Variants in ATP8B2 observed in about 807,000 individuals in gnomAD.
The protein encoded by ATP8B2 is ATPase phospholipid transporting 8B2, also known as phospholipid-transporting ATPase ID.
In ATP8B2, 70 loss-of-function variants were observed where a neutral mutation model predicts 133.4. That is an observed-to-expected ratio of 0.52 (90% CI 0.43 to 0.64). ATP8B2 has a LOEUF of 0.64. ATP8B2 is among the 30% of genes least tolerant of loss of function. The pLI is 0.00. For synonymous variants in ATP8B2, 517 were observed against 589.5 expected, an observed-to-expected ratio of 0.88 and a Z score of 1.78; for missense variants, 1,101 against 1,535.7, an observed-to-expected ratio of 0.72 and a Z score of 4.73.
chr1:154,344,661 T>C lies in ATP8B2; in HGVS notation c.2162T>C (p.Met721Thr), dbSNP rs145714388. The change falls in exon 21 of 28, where the codon ATG becomes ACG. Residue 721 changes from methionine to threonine, a missense_variant. Physicochemically the swap from Met to Thr is moderately conservative, Grantham distance 81 (BLOSUM62 -1). Transcript: ENST00000368489. This position sits in a 1 kb window ranked among gnomAD's most constrained non-coding sequence, Gnocchi z 4.1. ...GACAGGAAAGCCCGGGAGAAGATGA[T>C]GGACTCATCCCGCTCCGTAGGCAAC... is the stretch of plus-strand genomic sequence containing the variant. ...EELRKAREKM[M>T]DSSRSVGNGF... 5.4e-5 allele frequency: 87 copies of C among 1,610,438 alleles called. No homozygotes were observed. The African/African-American group carries it at 1.1e-3, about 20-fold the overall frequency.
rs1219595171 is a variant in ATP8B2 at position 154,346,925 on chromosome 1, T to C, written c.3163+167T>C. 6.6e-6 allele frequency among the ~76,000 whole-genome samples: 1 copy of C among 152,178 alleles called. No individual in the cohort carries two copies. Among genetic ancestry groups the C allele is most frequent in the Non-Finnish European group, 1.5e-5 (1 of 68,034 alleles). On this transcript the variant is annotated intron_variant, in intron 26 of 27. Transcript: ENST00000368489. This position sits in a 1 kb window ranked among gnomAD's most constrained non-coding sequence, Gnocchi z 4.5. ...AGAAGGAGTCTTGCCCAGGCTGGAG[T>C]GCAGTGGTGCGATCTCGGCTCACTG...
Position 154,349,557 on chromosome 1 carries a change from C to T in ATP8B2, c.*439C>T, listed in dbSNP as rs1022828660. 7.4e-5 allele frequency: 13 copies of T among 175,152 alleles called. No individual in the cohort carries two copies. The highest frequency in any genetic ancestry group is 2.7e-4 in the Admixed American group (5 of 18,416). The allele number at this position is 175,152 out of a possible 1,614,324, so 10.8% of individuals were successfully genotyped here. On this transcript the variant is annotated 3_prime_UTR_variant, in exon 28 of 28. Coordinates refer to ENST00000368489, the MANE Select transcript of ATP8B2 (RefSeq NM_001370597.1). ...ACCATGCCGGGAAGCCAGAGACCTG[C>T]AGGGGCCTCGGCCCCTCACATCGTG...
rs113685670 is a variant in ATP8B2 at position 154,340,156 on chromosome 1, G to T, written c.1035-698G>T. On this transcript the variant is annotated intron_variant, in intron 12 of 27. Coordinates refer to ENST00000368489, the MANE Select transcript of ATP8B2 (RefSeq NM_001370597.1). The surrounding 1 kb of genome is among the most constrained non-coding windows in gnomAD (Gnocchi z 4.0). ...GATTACACTACTGCACTCCAGCTTGGGTGACAGAGACCCTAGCTCAAAAAA... is the reference window on the plus strand; with the variant it reads ...GATTACACTACTGCACTCCAGCTTGTGTGACAGAGACCCTAGCTCAAAAAA... 2.0e-5 allele frequency among the ~76,000 whole-genome samples: 3 copies of T among 152,108 alleles called. No individual in the cohort carries two copies.
At chr1:154,342,639 G>A in intron 14 of ATP8B2, 116 bp downstream of exon 14, 1 of 1,452,338 alleles carries the variant, frequency 6.9e-7, no homozygotes, top group South Asian at 1.2e-5. Flanking sequence ...TTGGAGAAAT[G>A]GGTGTTTTAA....
chr1:154,346,782 A>G lies in ATP8B2; in HGVS notation c.3163+24A>G, dbSNP rs1686599251. The G allele has an allele frequency of 6.2e-7, 1 of 1,613,004 alleles. No individual in the cohort carries two copies. Among genetic ancestry groups the G allele is most frequent in the African/African-American group, 1.3e-5 (1 of 75,032 alleles). On this transcript the variant is annotated intron_variant, in intron 26 of 27. Coordinates refer to ENST00000368489, the MANE Select transcript of ATP8B2 (RefSeq NM_001370597.1). This position sits in a 1 kb window ranked among gnomAD's most constrained non-coding sequence, Gnocchi z 4.5. ...GGGTAAGTCCCCGTGGCCTCCTTGA[A>G]TCGGTGAGGAATCACAGCTGTTCTG...
At chr1:154,326,288 G>A (rs576333382) in intron 1 of ATP8B2, among the ~76,000 whole-genome samples, 21 of 152,130 alleles carry the variant, frequency 1.4e-4, no homozygotes, top group African/African-American at 5.1e-4. Context: ...ATTTCCTCCT[G>A]TTTCCCTGAC....
In ATP8B2 at chr1:154,343,325, G is replaced by A. The variant is rs745771975; in HGVS notation, c.1642+24G>A. On this transcript the variant is annotated intron_variant, in intron 16 of 27. Coordinates refer to ENST00000368489, the MANE Select transcript of ATP8B2 (RefSeq NM_001370597.1). The surrounding 1 kb of genome is among the most constrained non-coding windows in gnomAD (Gnocchi z 5.8). ...AGGTGAGGCCAGGCCTGGGGTGCTGGGGCGTTTGGGGACAGCATTCAGGCC... is the reference window on the plus strand; with the variant it reads ...AGGTGAGGCCAGGCCTGGGGTGCTGAGGCGTTTGGGGACAGCATTCAGGCC... 6.2e-7 allele frequency: 1 copy of A among 1,612,074 alleles called. No individual in the cohort carries two copies. The highest frequency in any genetic ancestry group is 8.5e-7 in the Non-Finnish European group (1 of 1,178,772).
In ATP8B2 at chr1:154,346,843, A is replaced by G. The variant is rs950664598; in HGVS notation, c.3163+85A>G. The G allele has an allele frequency of 3.3e-5, 47 of 1,436,528 alleles. No individual in the cohort carries two copies. The highest frequency in any genetic ancestry group is 4.0e-5 in the Non-Finnish European group (42 of 1,050,504). 89.0% of individuals were successfully genotyped at this position (1,436,528 alleles called of 1,614,324 possible). A position where few individuals can be genotyped will look rare whatever the true frequency, so the allele number is the denominator to read the frequency against. On this transcript the variant is annotated intron_variant, in intron 26 of 27. Transcript: ENST00000368489. This position sits in a 1 kb window ranked among gnomAD's most constrained non-coding sequence, Gnocchi z 4.5. ...GACCATCAGCTAATCTGCACATTCA[A>G]CATTTCTTATGTGCCAAGTATTCTG...
rs765017809 is a variant in ATP8B2, at chr1:154,334,621, C to A, written c.837+30C>A. Reference sequence around the variant, plus strand: ...GGCGCCCCACATCTGGCTCCCTGCCCCTGCCCTCTCTTCTCCTTGGGTGCT... The same window carrying A: ...GGCGCCCCACATCTGGCTCCCTGCCACTGCCCTCTCTTCTCCTTGGGTGCT... On this transcript the variant is annotated intron_variant, in intron 11 of 27. Transcript: ENST00000368489. This position sits in a 1 kb window ranked among gnomAD's most constrained non-coding sequence, Gnocchi z 4.6. 1.0e-5 allele frequency: 16 copies of A among 1,578,464 alleles called. No homozygotes were observed. In the East Asian group the frequency reaches 2.9e-4, roughly 29 times the overall value.
At chr1:154,337,572 C>G (rs1760795) in intron 12 of ATP8B2, 28 bp downstream of exon 12, 737,884 of 1,613,728 alleles carry the variant, frequency 0.46, 172,793 homozygotes, top group East Asian at 0.6. Flanking sequence ...CCTGGGGTCT[C>G]TCCAGGGAGT....
intron 2 of ATP8B2, among the ~76,000 whole-genome samples, 164 bp from the exon 3 acceptor site, chr1:154,330,232 C>T (rs139570311): frequency 9.8e-4 from 149 of 152,100 alleles, no homozygotes; most frequent in African/African-American, 3.5e-3. Context: ...TGTGGTCAGG[C>T]TGCTGGTGAG....
intron 12 of ATP8B2, chr1:154,338,761 A>G (rs912026962): frequency 2.0e-5 from 3 of 152,258 alleles, no homozygotes; most frequent in African/African-American, 7.2e-5. Context: ...CAGCTCTTTT[A>G]GAATTTGTCT....
At position 154,342,799 on chromosome 1, in the gene ATP8B2, C is replaced by G; in HGVS notation, c.1291C>G (p.Pro431Ala). The part of the protein sequence containing the change: ...LGHKAELGER[P>A]EPVDFSFNPL... The stretch of plus-strand genomic sequence containing the variant: ...AGAGCCTTCTTATGTGTTTCAGAGG[C>G]CTGAACCTGTTGACTTCTCCTTCAA... Residue 431 changes from proline to alanine, a missense_variant, in exon 15 of 28, where the codon CCT (proline) becomes GCT (alanine). Pro to Ala is a conservative substitution (Grantham distance 27). Coordinates refer to ENST00000368489, the MANE Select transcript of ATP8B2 (RefSeq NM_001370597.1). The G allele has an allele frequency of 1.2e-6, 2 of 1,614,044 alleles. No homozygotes were observed. Among genetic ancestry groups the G allele is most frequent in the Non-Finnish European group, 1.7e-6 (2 of 1,179,966 alleles).
intron 12 of ATP8B2, 35 bp downstream of exon 12, chr1:154,337,579 G>A: frequency 6.2e-7 from 1 of 1,614,152 alleles, no homozygotes; most frequent in Non-Finnish European, 8.5e-7. Context: ...TCTCTCCAGG[G>A]AGTCAGGCGG....
At chr1:154,327,539 A>G (rs1429975219) in intron 1 of ATP8B2, among the ~76,000 whole-genome samples, 1 of 152,128 alleles carries the variant, frequency 6.6e-6, no homozygotes, top group Non-Finnish European at 1.5e-5. Flanking sequence ...CTGTCTGTGC[A>G]GAAAGTGAGG....
At chr1:154,338,584 C>G (rs1442505028) in intron 12 of ATP8B2, among the ~76,000 whole-genome samples, 3 of 152,026 alleles carry the variant, frequency 2.0e-5, no homozygotes, top group Non-Finnish European at 2.9e-5. Flanking sequence ...CGCTTGAAAC[C>G]GGAAGGTGGA....
In ATP8B2 at chr1:154,345,946, A is replaced by G. The variant is rs1686567271; in HGVS notation, c.2778+63A>G. ...AGGTCACTGCTTGAAGGAGTCACAT[A>G]GACGTGGTGTGTGACACTTGTGCCC... is the stretch of plus-strand genomic sequence containing the variant. On this transcript the variant is annotated intron_variant, in intron 24 of 27. Transcript: ENST00000368489. The surrounding 1 kb of genome is among the most constrained non-coding windows in gnomAD (Gnocchi z 5.6). 4 of 1,447,362 alleles carry G rather than the reference A, an allele frequency of 2.8e-6. No individual in the cohort carries two copies. Among genetic ancestry groups the G allele is most frequent in the Non-Finnish European group, 3.9e-6 (4 of 1,031,856 alleles). The allele number at this position is 1,447,362 out of a possible 1,614,324, so 89.7% of individuals were successfully genotyped here.
At chr1:154,330,605 TGAA>T in intron 3 of ATP8B2, 151 bp downstream of exon 3, 1 of 854,592 alleles carries the variant, frequency 1.2e-6, no homozygotes, top group East Asian at 2.6e-5. Context: ...GCTATCGTGC[TGAA>T]TTTTTCATGC....
intron 8 of ATP8B2, 101 bp from the exon 9 acceptor site, chr1:154,332,517 G>C (rs745314468): frequency 3.4e-6 from 3 of 895,416 alleles, no homozygotes; most frequent in Non-Finnish European, 5.3e-6. Context: ...ATGATTGTGC[G>C]ACTGCACTCC....
Sources: gnomAD v4.1 joint callset for allele counts (sites outside exome capture counted in the v4.1 genomes callset) on GRCh38, gnomAD v4.1.1 for gene constraint, Gnocchi (gnomAD v3.1) non-coding constraint, MANE v1.5 for transcripts, NCBI Gene and HGNC (gene_info 2026-07-23, HGNC 2026-07-21) for gene names.